The following GRIN2B variants were observed in gnomAD, a reference collection of about 807,000 sequenced individuals.
GRIN2B encodes the protein glutamate ionotropic receptor NMDA type subunit 2B.
Under a neutral mutation model 114.5 loss-of-function variants are expected in GRIN2B, and 5 were observed. The ratio of observed to expected loss-of-function variants is 0.04; its 90% confidence interval spans 0.02 to 0.09. The LOEUF (loss-of-function observed/expected upper bound fraction) is 0.09. Among genes scored for constraint, GRIN2B ranks in the 10% least tolerant of loss-of-function variants. The probability of loss-of-function intolerance (pLI) is 1.00; values close to 1 mark genes in which losing one functional copy is unlikely to be tolerated. For synonymous variants in GRIN2B, 787 were observed against 745.1 expected, an observed-to-expected ratio of 1.06 and a Z score of -0.92; for missense variants, 1,108 against 1,943.5, an observed-to-expected ratio of 0.57 and a Z score of 8.08.
intron 4 of GRIN2B, among the ~76,000 whole-genome samples, chr12:13,742,432 T>C (rs1490362056): frequency 6.6e-6 from 1 of 152,174 alleles, no homozygotes; most frequent in Non-Finnish European, 1.5e-5. Flanking sequence ...TTAACAGAAC[T>C]TTGTTTTTTT....
chr12:13,701,522 A>AG (rs1035615397), intron 4 of GRIN2B, among the ~76,000 whole-genome samples: 2 of 151,900 alleles, frequency 1.3e-5, no homozygotes, highest in African/African-American at 2.4e-5. Flanking sequence ...ACAAAAAAAA[A>AG]AAAAAAAGAA....
chr12:13,977,520 T>C (rs929291061), intron 2 of GRIN2B: 1 of 152,228 alleles, frequency 6.6e-6, no homozygotes, highest in Non-Finnish European at 1.5e-5. Flanking sequence ...CTTTTCTTAA[T>C]TGCACATCAT....
At chr12:13,857,539 A>G (rs73055699) in intron 3 of GRIN2B, among the ~76,000 whole-genome samples, 12,321 of 152,318 alleles carry the variant, frequency 0.081, 680 homozygotes, top group Middle Eastern at 0.17. Flanking sequence ...TAACTGATGA[A>G]CCAAGATCCT....
At chr12:13,747,189 G>A (rs1198461705) in intron 4 of GRIN2B, among the ~76,000 whole-genome samples, 5 of 152,282 alleles carry the variant, frequency 3.3e-5, no homozygotes, top group East Asian at 3.9e-4. Flanking sequence ...GAAGTCAGCC[G>A]CAGAATTAGT....
intron 10 of GRIN2B, among the ~76,000 whole-genome samples, chr12:13,585,341 C>A (rs1948904933): frequency 6.6e-6 from 1 of 152,126 alleles, no homozygotes; most frequent in Non-Finnish European, 1.5e-5. Flanking sequence ...GTGTCTCTGC[C>A]CTCCTGGCAA....
chr12:13,852,373 C>T (rs534239273), intron 3 of GRIN2B, among the ~76,000 whole-genome samples: 41 of 152,316 alleles, frequency 2.7e-4, no homozygotes, highest in African/African-American at 8.2e-4. Flanking sequence ...AAAGGAGAAG[C>T]AGCCATTTAG....
Position 13,734,989 on chromosome 12 carries a change from G to A in GRIN2B, c.1010+18328C>T, listed in dbSNP as rs956307125. 3.3e-5 allele frequency among the ~76,000 whole-genome samples: 5 copies of A among 152,196 alleles called. No homozygotes were observed. The East Asian group carries it at 7.7e-4, about 23-fold the overall frequency. ...CAAGCAGTGTATGTTGGCATAAGGTGGGGAGTTGGAGGAGAGGGTAGTTAA... is the reference window on the plus strand; with the variant it reads ...CAAGCAGTGTATGTTGGCATAAGGTAGGGAGTTGGAGGAGAGGGTAGTTAA... On this transcript the variant is annotated intron_variant, in intron 4 of 13. Coordinates refer to ENST00000609686, the MANE Select transcript of GRIN2B (RefSeq NM_000834.5).
rs1297988341 is a variant in GRIN2B at position 13,545,701 on chromosome 12, G to C, written c.*17082C>G. 6.6e-6 allele frequency: 1 copy of C among 152,102 alleles called. No homozygotes were observed. The highest frequency in any genetic ancestry group is 1.5e-5 in the Non-Finnish European group (1 of 68,006). 9.4% of individuals were successfully genotyped at this position (152,102 alleles called of 1,614,324 possible). A position where few individuals can be genotyped will look rare whatever the true frequency, so the allele number is the denominator to read the frequency against. Reference sequence around the variant, plus strand: ...ATTATTTTTAATAGGTAAGAAAAAAGTTACTCCGAGTTTCATTAATCTATG... The same window carrying C: ...ATTATTTTTAATAGGTAAGAAAAAACTTACTCCGAGTTTCATTAATCTATG... On this transcript the variant is annotated 3_prime_UTR_variant, in exon 14 of 14. Coordinates refer to ENST00000609686, the MANE Select transcript of GRIN2B (RefSeq NM_000834.5).
intron 4 of GRIN2B, among the ~76,000 whole-genome samples, chr12:13,750,999 G>A (rs535923966): frequency 6.6e-6 from 1 of 152,338 alleles, no homozygotes; most frequent in East Asian, 1.9e-4. Context: ...TGCCAAGACT[G>A]AAGCCTGAGG....
chr12:13,900,348 G>A (rs1020363718), intron 2 of GRIN2B, among the ~76,000 whole-genome samples: 7 of 151,780 alleles, frequency 4.6e-5, no homozygotes, highest in East Asian at 3.9e-4. Flanking sequence ...GGTGGTGGAC[G>A]CCTATAATCC....
intron 10 of GRIN2B, among the ~76,000 whole-genome samples, chr12:13,607,860 T>C (rs1256629128): frequency 6.6e-6 from 1 of 152,132 alleles, no homozygotes; most frequent in East Asian, 1.9e-4. Context: ...GTGTCTCCCA[T>C]CCCTAGTCCT....
chr12:13,653,563 G>A (rs1949838138), intron 5 of GRIN2B, among the ~76,000 whole-genome samples: 1 of 151,978 alleles, frequency 6.6e-6, no homozygotes, highest in African/African-American at 2.4e-5. Flanking sequence ...AAAAAAGCCA[G>A]CAGAGAAAGG....
At chr12:13,947,841 C>T (rs898996963) in intron 2 of GRIN2B, among the ~76,000 whole-genome samples, 1 of 152,158 alleles carries the variant, frequency 6.6e-6, no homozygotes, top group Non-Finnish European at 1.5e-5. Context: ...GAGTTGTTCT[C>T]CAACTCACTT....
chr12:13,678,992 G>T (rs1375655384), intron 4 of GRIN2B, among the ~76,000 whole-genome samples: 1 of 149,882 alleles, frequency 6.7e-6, no homozygotes, highest in African/African-American at 2.5e-5. Context: ...AGGAAGAAAA[G>T]GAAAGAGGAA....
At chr12:13,798,331 C>A (rs1206827876) in intron 3 of GRIN2B, among the ~76,000 whole-genome samples, 1 of 151,784 alleles carries the variant, frequency 6.6e-6, no homozygotes, top group Non-Finnish European at 1.5e-5. Context: ...ATGCATCATA[C>A]CAGCCCCTAG....
intron 13 of GRIN2B, 57 bp downstream of exon 13, chr12:13,566,968 C>T (rs1948648468): frequency 3.4e-6 from 4 of 1,189,298 alleles, no homozygotes; most frequent in Admixed American, 1.7e-5. Context: ...CTGCTTTGCA[C>T]AGTGCTAGGC....
intron 4 of GRIN2B, among the ~76,000 whole-genome samples, chr12:13,743,296 T>C (rs1286262257): frequency 6.6e-6 from 1 of 152,182 alleles, no homozygotes; most frequent in Admixed American, 6.5e-5. Context: ...ATGTTCTAGA[T>C]ACATCAGGTT....
At chr12:13,656,604 G>A (rs1157247270) in intron 5 of GRIN2B, among the ~76,000 whole-genome samples, 1 of 152,234 alleles carries the variant, frequency 6.6e-6, no homozygotes, top group Non-Finnish European at 1.5e-5. Flanking sequence ...GCAGAAGAAA[G>A]AGGACAGTGG....
chr12:13,784,223 C>CAAAAAAAAAAAAA (rs56197649), intron 3 of GRIN2B, among the ~76,000 whole-genome samples: 1 of 71,910 alleles, frequency 1.4e-5, no homozygotes, highest in African/African-American at 5.9e-5. Context: ...GACTTCGCCT[C>CAAAAAAAAAAAAA]AAAAAAAAAA....
Sources: allele counts gnomAD v4.1 joint callset (sites outside exome capture counted in the v4.1 genomes callset), GRCh38; gene constraint gnomAD v4.1.1; transcripts MANE v1.5; gene names NCBI Gene and HGNC (gene_info 2026-07-23, HGNC 2026-07-21).